Variants in ITPR2 observed in about 807,000 individuals in gnomAD.
ITPR2 encodes the protein inositol 1,4,5-trisphosphate-gated calcium channel ITPR2.
Under a neutral mutation model 317.1 loss-of-function variants are expected in ITPR2, and 207 were observed. The ratio of observed to expected loss-of-function variants is 0.65; its 90% CI spans 0.58 to 0.73. ITPR2 has a LOEUF of 0.73. Ranked by LOEUF, ITPR2 falls within the 30% of genes least tolerant of loss-of-function variation. The probability of loss-of-function intolerance (pLI) is 0.00; values close to 1 mark genes in which losing one functional copy is unlikely to be tolerated. For missense variants in ITPR2, 2,613 were observed against 3,284.0 expected (o/e 0.80, Z 4.99); for synonymous variants, 1,156 against 1,149.1 (o/e 1.01, Z -0.12).
intron 18 of ITPR2, among the ~76,000 whole-genome samples, 160 bp downstream of exon 18, chr12:26,657,547 T>G (rs1436451276): frequency 6.6e-6 from 1 of 152,246 alleles, no homozygotes; most frequent in Non-Finnish European, 1.5e-5. Context: ...AACTTTTATT[T>G]TGAATATTTT....
At chr12:26,631,302 G>A (rs1946747165) in intron 22 of ITPR2, among the ~76,000 whole-genome samples, 2 of 152,094 alleles carry the variant, frequency 1.3e-5, no homozygotes, top group African/African-American at 4.8e-5. Context: ...CTTAAAATTA[G>A]GCATTAGACT....
At chr12:26,670,919 C>T (rs1469074951) in intron 13 of ITPR2, among the ~76,000 whole-genome samples, 7 of 151,854 alleles carry the variant, frequency 4.6e-5, no homozygotes, top group Middle Eastern at 3.2e-3. Context: ...CCTCAGGAGC[C>T]AATGCGATCA....
chr12:26,471,844 A>G (rs1942297363), intron 45 of ITPR2, among the ~76,000 whole-genome samples: 1 of 152,246 alleles, frequency 6.6e-6, no homozygotes, highest in Admixed American at 6.5e-5. Context: ...CAATGAAAAC[A>G]GTGGAAACTG....
At chr12:26,497,155 C>CTCT (rs756035869) in intron 37 of ITPR2, among the ~76,000 whole-genome samples, 12 of 134,412 alleles carry the variant, frequency 8.9e-5, no homozygotes, top group African/African-American at 3.4e-4. Context: ...ATTTCTCTCT[C>CTCT]TTTTTTTTTT....
chr12:26,509,874 TC>T (rs1286496234), intron 37 of ITPR2, among the ~76,000 whole-genome samples: 6 of 151,216 alleles, frequency 4.0e-5, no homozygotes, highest in Non-Finnish European at 7.4e-5. Context: ...AAATTATGGT[TC>T]ACAAAATATG....
chr12:26,701,563 G>C (rs1471691572), intron 9 of ITPR2, among the ~76,000 whole-genome samples: 1 of 152,120 alleles, frequency 6.6e-6, no homozygotes, highest in Non-Finnish European at 1.5e-5. Flanking sequence ...CGTATGTATA[G>C]GGTCTGGTCT....
intron 55 of ITPR2, among the ~76,000 whole-genome samples, chr12:26,380,946 TA>T (rs1565496495): frequency 6.6e-6 from 1 of 152,342 alleles, no homozygotes; most frequent in East Asian, 1.9e-4. Flanking sequence ...CCTATCTCAT[TA>T]AAGTATGACC....
At chr12:26,435,492 T>C (rs777191869) in intron 48 of ITPR2, among the ~76,000 whole-genome samples, 7 of 152,184 alleles carry the variant, frequency 4.6e-5, no homozygotes, top group Admixed American at 3.9e-4. Context: ...CATTCCAAAG[T>C]TATTTACCAG....
At chr12:26,518,090 T>C (rs930891519) in intron 37 of ITPR2, among the ~76,000 whole-genome samples, 18 of 152,208 alleles carry the variant, frequency 1.2e-4, no homozygotes, top group African/African-American at 4.3e-4. Flanking sequence ...CACAACACCA[T>C]TCACAATTGC....
At chr12:26,461,809 T>A (rs544878330) in intron 45 of ITPR2, among the ~76,000 whole-genome samples, 1 of 151,824 alleles carries the variant, frequency 6.6e-6, no homozygotes, top group African/African-American at 2.4e-5. Flanking sequence ...TTGATCACAT[T>A]TAGTCAATAA....
At chr12:26,506,309 G>A (rs897380109) in intron 37 of ITPR2, among the ~76,000 whole-genome samples, 2 of 151,758 alleles carry the variant, frequency 1.3e-5, no homozygotes, top group African/African-American at 4.8e-5. Context: ...AGGAGTTTAC[G>A]ACTGGCCTGG....
intron 26 of ITPR2, among the ~76,000 whole-genome samples, chr12:26,617,596 GAAAGA>G (rs911918114): frequency 4.2e-5 from 6 of 143,552 alleles, no homozygotes; most frequent in East Asian, 2.1e-4. Flanking sequence ...GTGAAAGAAA[GAAAGA>G]AAAGAAAAGA....
rs1177233376 is a variant in ITPR2 at position 26,782,037 on chromosome 12, TAGAGAGAGAGAG to T, written c.163+8108_163+8119del. Among the ~76,000 whole-genome samples, 105 of 51,706 alleles carry T rather than the reference TAGAGAGAGAGAG, an allele frequency of 2.0e-3. 1 individual carries two copies. The highest frequency in any genetic ancestry group is 4.1e-3 in the East Asian group (3 of 728). 33.9% of individuals were successfully genotyped at this position (51,706 alleles called of 152,430 possible). ...ATATATATATATATATATATATGTA[TAGAGAGAGAGAG>T]AGAGAGAGAGAGAGAGAGAGAGAGC... is the stretch of plus-strand genomic sequence containing the variant. On this transcript the variant is annotated intron_variant, in intron 2 of 56. Transcript: ENST00000381340.
intron 42 of ITPR2, among the ~76,000 whole-genome samples, chr12:26,482,333 T>C (rs1387173569): frequency 1.3e-5 from 2 of 152,348 alleles, no homozygotes; most frequent in East Asian, 1.9e-4. Flanking sequence ...GTGGGGTTCA[T>C]GTTATTTGAA....
rs531244345 is a variant in ITPR2 at position 26,469,482 on chromosome 12, T to C, written c.6342+5814A>G. On this transcript the variant is annotated intron_variant, in intron 45 of 56. Coordinates refer to ENST00000381340, the MANE Select transcript of ITPR2 (RefSeq NM_002223.4). ...CTTTTGATTTTTGACTTAGATCTAG[T>C]CTAAATTGCTCCCCAGAAAACCCTC... Among the ~76,000 whole-genome samples the C allele has an allele frequency of 1.5e-4, 23 of 152,186 alleles. No individual in the cohort carries two copies. In the South Asian group the frequency reaches 4.6e-3, roughly 30 times the overall value.
At chr12:26,756,011 T>C (rs1288164841) in intron 2 of ITPR2, among the ~76,000 whole-genome samples, 2 of 152,168 alleles carry the variant, frequency 1.3e-5, no homozygotes, top group Admixed American at 1.3e-4. Flanking sequence ...CTAAGAATCC[T>C]TCTATGGAAC....
At chr12:26,383,672 A>AT (rs1939584312) in intron 55 of ITPR2, among the ~76,000 whole-genome samples, 1 of 99,924 alleles carries the variant, frequency 1.0e-5, no homozygotes. Context: ...TTTTTTTGGT[A>AT]TTTTTAATAG....
intron 37 of ITPR2, among the ~76,000 whole-genome samples, chr12:26,547,665 G>A (rs1021381283): frequency 2.0e-5 from 3 of 152,208 alleles, no homozygotes; most frequent in African/African-American, 4.8e-5. Context: ...GTCCCTTGAC[G>A]GATGAATGGG....
In ITPR2 at chr12:26,627,781, G is replaced by A. The variant is rs562279026; in HGVS notation, c.3064+252C>T. ...ACACCAGGGCCTGTCGGTGGGTGGCGGGCTAGGGGAGTGACAGCATTAGGA... is the reference window on the plus strand; with the variant it reads ...ACACCAGGGCCTGTCGGTGGGTGGCAGGCTAGGGGAGTGACAGCATTAGGA... On this transcript the variant is annotated intron_variant, in intron 23 of 56. Coordinates refer to ENST00000381340, the MANE Select transcript of ITPR2 (RefSeq NM_002223.4). Among the ~76,000 whole-genome samples, 6 of 152,180 alleles carry A rather than the reference G, an allele frequency of 3.9e-5. No homozygotes were observed. In the South Asian group the frequency reaches 8.3e-4, roughly 21 times the overall value.
Sources: gnomAD v4.1 joint callset for allele counts (sites outside exome capture counted in the v4.1 genomes callset) on GRCh38, gnomAD v4.1.1 for gene constraint, MANE v1.5 for transcripts, NCBI Gene and HGNC (gene_info 2026-07-23, HGNC 2026-07-21) for gene names.